TMX3: variants seen among roughly 807,000 people sequenced by gnomAD.
TMX3 encodes thioredoxin related transmembrane protein 3, also known as protein disulfide-isomerase TMX3.
Under a neutral mutation model 64.4 loss-of-function variants are expected in TMX3, and 40 were observed. That is an observed-to-expected ratio of 0.62 (90% confidence interval 0.48 to 0.81). The LOEUF is 0.81. Among genes scored for constraint, TMX3 ranks in the 30% least tolerant of loss-of-function variants. TMX3 has a pLI of 0.00. For synonymous variants in TMX3, 189 were observed against 175.7 expected (o/e 1.08, Z -0.60); for missense variants, 497 against 534.5 (o/e 0.93, Z 0.69).
chr18:68,680,787 C>A (rs573083989), intron 14 of TMX3, among the ~76,000 whole-genome samples, 194 bp downstream of exon 14: 33 of 152,294 alleles, frequency 2.2e-4, no homozygotes, highest in African/African-American at 7.9e-4. Flanking sequence ...ACCTCTGCCA[C>A]AGAAGAACCT....
chr18:68,697,848 G>A, intron 7 of TMX3, 84 bp downstream of exon 7: 2 of 829,056 alleles, frequency 2.4e-6, no homozygotes, highest in Admixed American at 4.6e-5. Flanking sequence ...AGAGTAATAA[G>A]TTCTGCGTTT....
intron 15 of TMX3, among the ~76,000 whole-genome samples, chr18:68,679,065 G>T (rs540680846): frequency 2.0e-3 from 310 of 152,218 alleles, no homozygotes; most frequent in Middle Eastern, 3.4e-3. Flanking sequence ...AAAATAAAAA[G>T]TGACTTCCCA....
At chr18:68,689,845 G>C (rs898817120) in intron 9 of TMX3, 5 of 152,054 alleles carry the variant, frequency 3.3e-5, no homozygotes, top group African/African-American at 9.7e-5. Context: ...AACATTCTTA[G>C]CTATATCCTT....
chr18:68,698,645 A>G (rs1192322107), intron 6 of TMX3, among the ~76,000 whole-genome samples: 1 of 152,152 alleles, frequency 6.6e-6, no homozygotes, highest in Non-Finnish European at 1.5e-5. Flanking sequence ...TTATACAAGC[A>G]TTTTTCAAAG....
At chr18:68,683,468 G>C (rs953877953) in intron 12 of TMX3, among the ~76,000 whole-genome samples, 29 of 152,176 alleles carry the variant, frequency 1.9e-4, no homozygotes, top group African/African-American at 6.7e-4. Context: ...TCAGCATAAA[G>C]TAAAAATATA....
intron 8 of TMX3, among the ~76,000 whole-genome samples, chr18:68,696,126 C>T (rs1915045909): frequency 6.6e-6 from 1 of 152,152 alleles, no homozygotes; most frequent in African/African-American, 2.4e-5. Context: ...CCATCCCACT[C>T]CTATTTGCCC....
intron 5 of TMX3, chr18:68,700,782 T>C: frequency 2.0e-6 from 2 of 985,242 alleles, no homozygotes; most frequent in Non-Finnish European, 2.4e-6. Flanking sequence ...GGTCAAGAGC[T>C]TGGAAAATTA....
intron 9 of TMX3, among the ~76,000 whole-genome samples, chr18:68,688,128 T>C (rs1304640591): frequency 1.3e-5 from 2 of 152,086 alleles, no homozygotes; most frequent in Non-Finnish European, 2.9e-5. Flanking sequence ...TACAATACAA[T>C]ACATAACAGC....
At chr18:68,706,969 T>C (rs1007192385) in intron 4 of TMX3, among the ~76,000 whole-genome samples, 2 of 152,242 alleles carry the variant, frequency 1.3e-5, no homozygotes, top group Non-Finnish European at 2.9e-5. Flanking sequence ...TTAACTCTAA[T>C]AATGGTCTAG....
chr18:68,685,636 A>C (rs762807569), intron 10 of TMX3, among the ~76,000 whole-genome samples: 9 of 152,212 alleles, frequency 5.9e-5, no homozygotes, highest in Non-Finnish European at 1.3e-4. Flanking sequence ...AGTGTCAAAT[A>C]ATGTACCACA....
chr18:68,698,049 A>G lies in TMX3; in HGVS notation c.393-18T>C. On this transcript the variant is annotated intron_variant, in intron 6 of 15. Coordinates refer to ENST00000299608, the MANE Select transcript of TMX3 (RefSeq NM_019022.5). ...TTAGAGCCCTGTTGCACAACAAAAC[A>G]AAAAACAAACTTGAATTATAAACTA... The G allele has an allele frequency of 6.4e-7, 1 of 1,558,978 alleles. No individual in the cohort carries two copies. Among genetic ancestry groups the G allele is most frequent in the South Asian group, 1.1e-5 (1 of 87,622 alleles).
chr18:68,686,219 G>A (rs1469016021), intron 10 of TMX3, among the ~76,000 whole-genome samples: 1 of 152,092 alleles, frequency 6.6e-6, no homozygotes, highest in Non-Finnish European at 1.5e-5. Context: ...GCCTAACAGG[G>A]GCAATTATGT....
At chr18:68,714,571 A>C (rs572030523) in intron 1 of TMX3, 2 of 340,034 alleles carry the variant, frequency 5.9e-6, no homozygotes, top group Non-Finnish European at 1.1e-5. Flanking sequence ...ACGTGACAAG[A>C]CTCGGAACCT....
rs976753152 is a variant in TMX3, at chr18:68,681,381, T to G, written c.906-271A>C. 12 of 728,136 alleles carry G rather than the reference T, an allele frequency of 1.6e-5. No homozygotes were observed. The African/African-American group carries it at 1.9e-4, about 12-fold the overall frequency. The allele number at this position is 728,136 out of a possible 1,614,324, so 45.1% of individuals were successfully genotyped here. ...AAAATCTCAAAAACATTTTATAACA[T>G]ATGTATTGAAAAAAATTCCTATGGG... On this transcript the variant is annotated intron_variant, in intron 13 of 15. Transcript: ENST00000299608.
In TMX3 at chr18:68,697,305, T is replaced by C; in HGVS notation, c.493-2A>G. ...TGAAGCAGCATCTATGTATTTCTCC[T>C]ATGAAGATACAAACAGAAAAAAGAT... On this transcript the variant is annotated splice_acceptor_variant, in intron 7 of 15. Transcript: ENST00000299608. LOFTEE classifies it high-confidence loss of function. 6.6e-7 allele frequency: 1 copy of C among 1,521,864 alleles called. No individual in the cohort carries two copies. The highest frequency in any genetic ancestry group is 8.9e-7 in the Non-Finnish European group (1 of 1,125,042). The allele number at this position is 1,521,864 out of a possible 1,614,324, so 94.3% of individuals were successfully genotyped here. A position where few individuals can be genotyped will look rare whatever the true frequency, so the allele number is the denominator to read the frequency against.
At position 68,676,923 on chromosome 18, in the gene TMX3, T is replaced by A; in HGVS notation, c.*10A>T. ...TGAAGTCCTAACAAATATTTTATAG[T>A]CATCAAGTCTCAATCTTTCTTCTTT... is the stretch of plus-strand genomic sequence containing the variant. On this transcript the variant is annotated 3_prime_UTR_variant, in exon 16 of 16. Coordinates refer to ENST00000299608, the MANE Select transcript of TMX3 (RefSeq NM_019022.5). 1.2e-6 allele frequency: 2 copies of A among 1,605,840 alleles called. No homozygotes were observed. The highest frequency in any genetic ancestry group is 1.7e-6 in the Non-Finnish European group (2 of 1,177,358).
At chr18:68,697,155 T>C in intron 8 of TMX3, 71 bp downstream of exon 8, 1 of 794,106 alleles carries the variant, frequency 1.3e-6, no homozygotes, top group Non-Finnish European at 2.0e-6. Flanking sequence ...AAAATCACAA[T>C]TTAGTTTATT....
chr18:68,695,288 T>A (rs1453460584), intron 8 of TMX3, among the ~76,000 whole-genome samples: 1 of 152,194 alleles, frequency 6.6e-6, no homozygotes, highest in East Asian at 1.9e-4. Flanking sequence ...TTCCAGCTCA[T>A]CTCTTTTTCC....
intron 13 of TMX3, 70 bp from the exon 14 acceptor site, chr18:68,681,180 T>C (rs1330809263): frequency 3.1e-6 from 4 of 1,295,424 alleles, no homozygotes; most frequent in South Asian, 4.0e-5. Flanking sequence ...TATTCATTTA[T>C]ATCTCAGTAG....
Sources: gnomAD v4.1 joint callset for allele counts (sites outside exome capture counted in the v4.1 genomes callset) on GRCh38, gnomAD v4.1.1 for gene constraint, MANE v1.5 for transcripts, NCBI Gene and HGNC (gene_info 2026-07-23, HGNC 2026-07-21) for gene names.